Variants in KANSL1L observed in about 807,000 individuals in gnomAD.
KANSL1L encodes KAT8 regulatory NSL complex subunit 1 like, also known as KAT8 regulatory NSL complex subunit 1-like protein.
KANSL1L carries 25 observed loss-of-function variants against 108.6 expected under a neutral mutation model. The ratio of observed to expected loss-of-function variants is 0.23; its 90% CI spans 0.17 to 0.32. The LOEUF is 0.32. Ranked by LOEUF, KANSL1L falls within the 10% of genes least tolerant of loss-of-function variation. The pLI, the probability that KANSL1L is intolerant of heterozygous loss-of-function variation, is 1.00. For synonymous variants in KANSL1L, 405 were observed against 395.1 expected (o/e 1.03, Z -0.30); for missense variants, 1,137 against 1,125.7 (o/e 1.01, Z -0.14).
Position 210,022,973 on chromosome 2 carries a change from A to G in KANSL1L, c.2940T>C (p.Leu980=). 1 of 1,613,112 alleles carries G rather than the reference A, an allele frequency of 6.2e-7. No individual in the cohort carries two copies. The highest frequency in any genetic ancestry group is 8.5e-7 in the Non-Finnish European group (1 of 1,179,134). Residue 980 remains leucine (L), a synonymous_variant, in exon 15 of 15, where the codon CTT becomes CTC. Coordinates refer to ENST00000281772, the MANE Select transcript of KANSL1L (RefSeq NM_152519.4). ...GTCACCTATTTTTTTTAACATTAGTAAGTCCTAGACCAAAGGTTTTGTATT... is the reference window on the plus strand; with the variant it reads ...GTCACCTATTTTTTTTAACATTAGTGAGTCCTAGACCAAAGGTTTTGTATT... ...MEEYKTFGLG[L]TNVKKNR
intron 6 of KANSL1L, among the ~76,000 whole-genome samples, chr2:210,065,504 A>G (rs532460671): frequency 6.6e-6 from 1 of 152,028 alleles, no homozygotes; most frequent in Non-Finnish European, 1.5e-5. Flanking sequence ...TCAAGATCTA[A>G]GGATGAGACT....
rs2093863226 is a variant in KANSL1L at position 210,021,956 on chromosome 2, A to C, written c.*993T>G. ...ATGACCAAATTAGCTAGAAATAGAA[A>C]TCAGCCAGAATTAACTAATTTCTTG... On this transcript the variant is annotated 3_prime_UTR_variant, in exon 15 of 15. Transcript: ENST00000281772. 1 of 151,542 alleles carries C rather than the reference A, an allele frequency of 6.6e-6. No individual in the cohort carries two copies. The highest frequency in any genetic ancestry group is 2.4e-5 in the African/African-American group (1 of 41,262). The allele number at this position is 151,542 out of a possible 1,614,324, so 9.4% of individuals were successfully genotyped here.
intron 5 of KANSL1L, chr2:210,079,786 T>C (rs986287479): frequency 1.6e-5 from 1 of 64,354 alleles, no homozygotes; most frequent in African/African-American, 5.9e-5. Context: ...GCTGAAGCAA[T>C]ACATTCCTTT....
Position 210,047,028 on chromosome 2 carries a change from C to T in KANSL1L, c.1756-2924G>A, listed in dbSNP as rs116141687. On this transcript the variant is annotated intron_variant, in intron 6 of 14. Transcript: ENST00000281772. Reference sequence around the variant, plus strand: ...GCTCCATATTTGAAACTTCTTTGCCCGAAGGGACTTTGCACTCTGGGCCTA... The same window carrying T: ...GCTCCATATTTGAAACTTCTTTGCCTGAAGGGACTTTGCACTCTGGGCCTA... 2.9e-3 allele frequency among the ~76,000 whole-genome samples: 446 copies of T among 152,234 alleles called. 1 individual carries two copies. Among genetic ancestry groups the T allele is most frequent in the African/African-American group, 0.01 (423 of 41,546 alleles).
intron 6 of KANSL1L, among the ~76,000 whole-genome samples, chr2:210,066,226 C>T (rs1038211689): frequency 5.3e-5 from 8 of 152,196 alleles, no homozygotes; most frequent in African/African-American, 1.9e-4. Context: ...GTGAAGGAAG[C>T]CCAGCTATTC....
At chr2:210,167,524 G>T (rs1352816711) in intron 1 of KANSL1L, among the ~76,000 whole-genome samples, 1 of 151,944 alleles carries the variant, frequency 6.6e-6, no homozygotes, top group African/African-American at 2.4e-5. Context: ...AAATCTACAT[G>T]TAGAAGTACA....
chr2:210,118,191 G>T (rs374598151), intron 3 of KANSL1L, among the ~76,000 whole-genome samples: 3 of 142,154 alleles, frequency 2.1e-5, no homozygotes, highest in Admixed American at 1.4e-4. Context: ...GGAGGGGGGC[G>T]GGTGCGGTGG....
intron 4 of KANSL1L, among the ~76,000 whole-genome samples, chr2:210,099,697 C>G (rs1559554748): frequency 6.6e-6 from 1 of 152,058 alleles, no homozygotes; most frequent in African/African-American, 2.4e-5. Flanking sequence ...AAAACATCAT[C>G]TAAAATCTTT....
intron 2 of KANSL1L, among the ~76,000 whole-genome samples, chr2:210,137,975 G>A (rs1166647533): frequency 1.3e-5 from 2 of 151,972 alleles, no homozygotes; most frequent in Non-Finnish European, 2.9e-5. Flanking sequence ...AGGCTGCAAT[G>A]AGCCATCATT....
chr2:210,043,487 A>G, intron 7 of KANSL1L: 1 of 153,732 alleles, frequency 6.5e-6, no homozygotes, highest in East Asian at 1.9e-4. Context: ...GGTTGACTAT[A>G]CTTATAGGTA....
Position 210,023,167 on chromosome 2 carries a change from C to T in KANSL1L, c.2746G>A (p.Glu916Lys). The T allele has an allele frequency of 1.2e-6, 2 of 1,613,788 alleles. No individual in the cohort carries two copies. Among genetic ancestry groups the T allele is most frequent in the Non-Finnish European group, 1.7e-6 (2 of 1,179,802 alleles). ...CCCTTCAGTGGAAAAGCCCGTCGTT[C>T]CCACCACAAAGACTGAAAGGGGAAA... Reference protein sequence around the residue: ...QSQETKSLWWERRAFPLKGED... With the variant: ...QSQETKSLWWKRRAFPLKGED... The change falls in exon 15 of 15, where the codon GAA (glutamate) becomes AAA (lysine). Residue 916 changes from glutamate to lysine, a missense_variant. Transcript: ENST00000281772.
chr2:210,093,837 A>G (rs2094713118), intron 5 of KANSL1L, among the ~76,000 whole-genome samples: 1 of 152,218 alleles, frequency 6.6e-6, no homozygotes, highest in East Asian at 1.9e-4. Flanking sequence ...TCAAATATCT[A>G]TCCACAGATC....
intron 5 of KANSL1L, among the ~76,000 whole-genome samples, chr2:210,084,460 G>A (rs937699210): frequency 6.6e-6 from 1 of 152,092 alleles, no homozygotes; most frequent in Admixed American, 6.6e-5. Flanking sequence ...TGTAGGTACT[G>A]AAGTGGGAAA....
At chr2:210,058,923 C>T (rs1050557576) in intron 6 of KANSL1L, among the ~76,000 whole-genome samples, 4 of 151,688 alleles carry the variant, frequency 2.6e-5, no homozygotes, top group Non-Finnish European at 4.4e-5. Flanking sequence ...CCCCGGACAC[C>T]CAGCTTTAAA....
chr2:210,073,900 A>T (rs1575477042), intron 6 of KANSL1L, among the ~76,000 whole-genome samples: 1 of 152,162 alleles, frequency 6.6e-6, no homozygotes, highest in East Asian at 1.9e-4. Context: ...AGCACATTCT[A>T]TCAGACAGGT....
At chr2:210,088,123 A>G (rs2094655558) in intron 5 of KANSL1L, 2 of 152,196 alleles carry the variant, frequency 1.3e-5, no homozygotes, top group Admixed American at 1.3e-4. Context: ...GAATTGTTTT[A>G]TAGATATACA....
At chr2:210,127,798 C>CAAAAAAAAAAAAAAA (rs55979027) in intron 3 of KANSL1L, among the ~76,000 whole-genome samples, 4 of 28,126 alleles carry the variant, frequency 1.4e-4, no homozygotes, top group African/African-American at 3.9e-4. Context: ...GACTCTGCCT[C>CAAAAAAAAAAAAAAA]AAAAAAAAAA....
chr2:210,076,668 T>C (rs1420123223), intron 5 of KANSL1L, among the ~76,000 whole-genome samples: 2 of 151,632 alleles, frequency 1.3e-5, no homozygotes, highest in African/African-American at 4.8e-5. Context: ...TTTATATTTA[T>C]TCTTTATATT....
At chr2:210,101,878 A>T (rs568402252) in intron 4 of KANSL1L, among the ~76,000 whole-genome samples, 1 of 152,288 alleles carries the variant, frequency 6.6e-6, no homozygotes, top group Admixed American at 6.5e-5. Context: ...TGTCAGAAAA[A>T]CTCAGGAAAA....
Sources: gnomAD v4.1 joint callset for allele counts (sites outside exome capture counted in the v4.1 genomes callset) on GRCh38, gnomAD v4.1.1 for gene constraint, MANE v1.5 for transcripts, NCBI Gene and HGNC (gene_info 2026-07-23, HGNC 2026-07-21) for gene names.